The following SHISAL2B variants were observed in gnomAD, a reference collection of about 807,000 sequenced individuals.
The protein encoded by SHISAL2B is protein shisa-like-2B.
A neutral mutation model predicts 16.5 loss-of-function variants in SHISAL2B; 12 were observed. The observed-to-expected ratio is 0.73, with a 90% CI of 0.47 to 1.18. SHISAL2B has a LOEUF of 1.18. Ranked by LOEUF, SHISAL2B falls within the 50% of genes most tolerant of loss-of-function variation. SHISAL2B has a pLI of 0.00. For missense variants in SHISAL2B, 183 were observed against 193.6 expected (o/e 0.95, Z 0.33); for synonymous variants, 72 against 75.0 (o/e 0.96, Z 0.21).
intron 2 of SHISAL2B, 68 bp downstream of exon 2, chr5:64,695,732 T>G (rs1456528362): frequency 1.5e-5 from 17 of 1,159,288 alleles, no homozygotes; most frequent in Non-Finnish European, 1.8e-5. Flanking sequence ...TGTACCTGGG[T>G]GATAATACTG....
rs141260138 is a variant in SHISAL2B, at chr5:64,709,032, C to CT, written c.350-8843dup. Among the ~76,000 whole-genome samples the CT allele has an allele frequency of 8.2e-3, 1,132 of 137,254 alleles. 8 individuals are homozygous for CT. Among genetic ancestry groups the CT allele is most frequent in the African/African-American group, 0.027 (1,035 of 37,680 alleles). The allele number at this position is 137,254 out of a possible 152,430, so 90.0% of individuals were successfully genotyped here. A position where few individuals can be genotyped will look rare whatever the true frequency, so the allele number is the denominator to read the frequency against. On this transcript the variant is annotated intron_variant, in intron 2 of 2. Transcript: ENST00000389074. ...ATGGAAGCTGCAGTGAGACATCTTT[C>CT]TTTTTTTTTTTTTTAATATTATACT...
intron 1 of SHISAL2B, among the ~76,000 whole-genome samples, chr5:64,693,744 G>A (rs1332048181): frequency 6.6e-6 from 1 of 152,148 alleles, no homozygotes; most frequent in Non-Finnish European, 1.5e-5. Context: ...GCCAAATATA[G>A]GGAGTCTACC....
chr5:64,698,212 T>C (rs1309429487), intron 2 of SHISAL2B, among the ~76,000 whole-genome samples: 1 of 152,210 alleles, frequency 6.6e-6, no homozygotes, highest in Non-Finnish European at 1.5e-5. Flanking sequence ...GGCTCTGCAT[T>C]TTAAAACAAG....
At chr5:64,693,934 A>T (rs1429558182) in intron 1 of SHISAL2B, among the ~76,000 whole-genome samples, 1 of 152,144 alleles carries the variant, frequency 6.6e-6, no homozygotes, top group Non-Finnish European at 1.5e-5. Flanking sequence ...TCAGGAGGCA[A>T]TCTCTTCTTT....
intron 1 of SHISAL2B, chr5:64,694,135 G>C: frequency 2.2e-6 from 1 of 454,422 alleles, no homozygotes; most frequent in Non-Finnish European, 4.4e-6. Flanking sequence ...GAAGCCTAAA[G>C]GCAAGCCAGG....
At chr5:64,702,638 A>G (rs1478587589) in intron 2 of SHISAL2B, among the ~76,000 whole-genome samples, 1 of 152,090 alleles carries the variant, frequency 6.6e-6, no homozygotes, top group Non-Finnish European at 1.5e-5. Flanking sequence ...CTATATTTAT[A>G]TATTTGCATA....
intron 2 of SHISAL2B, among the ~76,000 whole-genome samples, chr5:64,707,519 A>G (rs1046733424): frequency 2.0e-5 from 3 of 152,212 alleles, no homozygotes; most frequent in Non-Finnish European, 4.4e-5. Context: ...ATTCTATTCA[A>G]AGCCTTGGTA....
At chr5:64,693,810 CA>C (rs1201864400) in intron 1 of SHISAL2B, among the ~76,000 whole-genome samples, 1 of 152,188 alleles carries the variant, frequency 6.6e-6, no homozygotes, top group Non-Finnish European at 1.5e-5. Flanking sequence ...AGTCACTCTA[CA>C]GTGACTCTAG....
chr5:64,697,450 G>A (rs1209863948), intron 2 of SHISAL2B, among the ~76,000 whole-genome samples: 1 of 152,126 alleles, frequency 6.6e-6, no homozygotes, highest in Non-Finnish European at 1.5e-5. Flanking sequence ...TGTGGAACTA[G>A]GTCCTATTAT....
rs543269968 is a variant in SHISAL2B at position 64,702,402 on chromosome 5, G to A, written c.349+6738G>A. Among the ~76,000 whole-genome samples the A allele has an allele frequency of 1.1e-3, 172 of 152,234 alleles. 5 individuals are homozygous for A. In the South Asian group the frequency reaches 0.035, roughly 31 times the overall value. On this transcript the variant is annotated intron_variant, in intron 2 of 2. Coordinates refer to ENST00000389074, the MANE Select transcript of SHISAL2B (RefSeq NM_001164442.2). ...TTTAGTAGAGATGGGGTTTCTCTAT[G>A]TTGGTCAGGCTGGTCTCGAACTCCT... is the stretch of plus-strand genomic sequence containing the variant.
chr5:64,705,384 GTT>G (rs1741862686), intron 2 of SHISAL2B, among the ~76,000 whole-genome samples: 1 of 151,998 alleles, frequency 6.6e-6, no homozygotes, highest in Admixed American at 6.6e-5. Context: ...CCCCAAATTG[GTT>G]ATGACAAAAC....
chr5:64,695,044 C>T (rs1456880852), intron 1 of SHISAL2B, among the ~76,000 whole-genome samples: 5 of 152,064 alleles, frequency 3.3e-5, no homozygotes, highest in East Asian at 1.9e-4. Context: ...GCGGGTGGAT[C>T]GCCTGAGCTC....
chr5:64,708,907 T>A (rs10074530), intron 2 of SHISAL2B, among the ~76,000 whole-genome samples: 3,840 of 152,164 alleles, frequency 0.025, 79 homozygotes, highest in Non-Finnish European at 0.042. Flanking sequence ...TGAAATAAAG[T>A]CATTATTGTG....
Position 64,690,830 on chromosome 5 carries a change from G to T in SHISAL2B, c.191+16G>T. Reference sequence around the variant, plus strand: ...GGAGCCTCAGGTGGGCTGAGAGCCCGCGCGTGCGGCGGCTGGCCGAGCCCG... The same window carrying T: ...GGAGCCTCAGGTGGGCTGAGAGCCCTCGCGTGCGGCGGCTGGCCGAGCCCG... On this transcript the variant is annotated intron_variant, in intron 1 of 2. Coordinates refer to ENST00000389074, the MANE Select transcript of SHISAL2B (RefSeq NM_001164442.2). 1 of 1,484,556 alleles carries T rather than the reference G, an allele frequency of 6.7e-7. No homozygotes were observed. Among genetic ancestry groups the T allele is most frequent in the South Asian group, 1.3e-5 (1 of 77,120 alleles). 92.0% of individuals were successfully genotyped at this position (1,484,556 alleles called of 1,614,324 possible).
At chr5:64,690,952 G>A (rs1283536487) in intron 1 of SHISAL2B, 138 bp downstream of exon 1, 1 of 720,084 alleles carries the variant, frequency 1.4e-6, no homozygotes, top group Non-Finnish European at 2.1e-6. Flanking sequence ...GGAAGGACGC[G>A]GAGCCTCTGA....
At chr5:64,713,537 G>T (rs1370006435) in intron 2 of SHISAL2B, among the ~76,000 whole-genome samples, 1 of 112,772 alleles carries the variant, frequency 8.9e-6, no homozygotes, top group Non-Finnish European at 1.7e-5. Context: ...CTCTTCTCAA[G>T]GAGTATCTTT....
intron 1 of SHISAL2B, among the ~76,000 whole-genome samples, chr5:64,693,299 G>A (rs1013530985): frequency 3.9e-5 from 6 of 152,120 alleles, no homozygotes; most frequent in South Asian, 2.1e-4. Flanking sequence ...GAGCCACCGC[G>A]CCCAGCCATA....
chr5:64,706,246 A>C (rs1741875490), intron 2 of SHISAL2B, among the ~76,000 whole-genome samples: 1 of 152,200 alleles, frequency 6.6e-6, no homozygotes, highest in Non-Finnish European at 1.5e-5. Context: ...AAGAGACAAA[A>C]GGTTGCATTC....
intron 2 of SHISAL2B, among the ~76,000 whole-genome samples, chr5:64,715,301 A>G (rs183700963): frequency 9.8e-5 from 15 of 152,292 alleles, no homozygotes; most frequent in Admixed American, 9.2e-4. Flanking sequence ...AAAAAAAAAA[A>G]ATTAAAAACT....
Sources: allele counts gnomAD v4.1 joint callset (sites outside exome capture counted in the v4.1 genomes callset), GRCh38; gene constraint gnomAD v4.1.1; transcripts MANE v1.5; gene names NCBI Gene and HGNC (gene_info 2026-07-23, HGNC 2026-07-21).